BRCC3: variants seen among roughly 807,000 people sequenced by gnomAD.
The protein encoded by BRCC3 is lys-63-specific deubiquitinase BRCC36.
In BRCC3, 15 loss-of-function variants were observed where a neutral mutation model predicts 28.0. That is an observed-to-expected ratio of 0.54 (90% CI 0.36 to 0.82). The LOEUF is 0.82. BRCC3 is among the 40% of genes least tolerant of loss of function. The pLI is 0.01. For synonymous variants in BRCC3, 66 were observed against 80.3 expected, an observed-to-expected ratio of 0.82 and a Z score of 0.95; for missense variants, 109 against 225.9, an observed-to-expected ratio of 0.48 and a Z score of 3.32.
chrX:155,099,421 C>G, intron 7 of BRCC3: 1 of 1,197,186 alleles, frequency 8.4e-7, no homozygotes, highest in Non-Finnish European at 1.1e-6. Flanking sequence ...TGTCCCCCAG[C>G]TCAACTGATT....
At chrX:155,097,393 A>G (rs1313498671) in intron 7 of BRCC3, among the ~76,000 whole-genome samples, 1 of 112,135 alleles carries the variant, frequency 8.9e-6, no homozygotes, top group Non-Finnish European at 1.9e-5. Flanking sequence ...GCCAATAAGT[A>G]CACGTAAAGG....
At chrX:155,091,790 C>A (rs2074177027) in intron 7 of BRCC3, among the ~76,000 whole-genome samples, 1 of 105,544 alleles carries the variant, frequency 9.5e-6, no homozygotes, top group African/African-American at 3.5e-5. Context: ...TAAAATGCAG[C>A]CGTTAAAAAA....
At chrX:155,095,904 A>G (rs1209649632) in intron 7 of BRCC3, among the ~76,000 whole-genome samples, 1 of 111,935 alleles carries the variant, frequency 8.9e-6, no homozygotes, top group Non-Finnish European at 1.9e-5. Flanking sequence ...GGTTTATAGC[A>G]TGGGAGCAAT....
intron 7 of BRCC3, among the ~76,000 whole-genome samples, chrX:155,103,217 C>T (rs1377861194): frequency 8.9e-6 from 1 of 112,159 alleles, no homozygotes; most frequent in Non-Finnish European, 1.9e-5. Context: ...AGTTTATTAT[C>T]TTTTCAAGAA....
At chrX:155,072,706 T>G (rs1557292796) in intron 2 of BRCC3, among the ~76,000 whole-genome samples, 2 of 110,038 alleles carry the variant, frequency 1.8e-5, no homozygotes, top group Non-Finnish European at 3.8e-5. Context: ...AGATTACAGG[T>G]GCCCGCCACC....
At chrX:155,105,567 C>T (rs1455457803) in intron 7 of BRCC3, among the ~76,000 whole-genome samples, 1 of 112,612 alleles carries the variant, frequency 8.9e-6, no homozygotes, top group East Asian at 2.8e-4. Context: ...ACTTGGATCT[C>T]TTTCTTTTTA....
intron 7 of BRCC3, among the ~76,000 whole-genome samples, chrX:155,113,797 A>C (rs1049489854): frequency 2.7e-5 from 3 of 111,922 alleles, no homozygotes; most frequent in African/African-American, 3.2e-5. Flanking sequence ...TCAACAACAA[A>C]AAAATCTGAT....
chrX:155,112,572 A>G (rs1240628892), intron 7 of BRCC3, among the ~76,000 whole-genome samples: 1 of 113,111 alleles, frequency 8.8e-6, no homozygotes, highest in Non-Finnish European at 1.9e-5. Flanking sequence ...AGCATCCAGA[A>G]TAGGTAAAGA....
chrX:155,088,352 CTT>C (rs781981831), intron 5 of BRCC3, among the ~76,000 whole-genome samples: 5 of 90,306 alleles, frequency 5.5e-5, no homozygotes, highest in Non-Finnish European at 6.7e-5. Flanking sequence ...TAGTTTTTGG[CTT>C]TTTTTTTTTT....
intron 7 of BRCC3, among the ~76,000 whole-genome samples, chrX:155,093,782 A>G (rs1357603967): frequency 9.2e-6 from 1 of 108,350 alleles, no homozygotes; most frequent in Non-Finnish European, 1.9e-5. Flanking sequence ...TAGAACTCCT[A>G]TCAGTCACAA....
chrX:155,077,989 C>T, intron 4 of BRCC3, among the ~76,000 whole-genome samples: 1 of 112,183 alleles, frequency 8.9e-6, no homozygotes, highest in South Asian at 3.7e-4. Flanking sequence ...CTCTGGTCCT[C>T]TGCCCTGCAA....
chrX:155,090,870 G>A (rs782116550), intron 7 of BRCC3, 31 bp downstream of exon 7: 3 of 1,025,531 alleles, frequency 2.9e-6, no homozygotes, highest in African/African-American at 1.9e-5. Context: ...TGTGTGTATT[G>A]GAGGGCTAAT....
At chrX:155,117,540 A>G (rs894266593) in intron 9 of BRCC3, among the ~76,000 whole-genome samples, 3 of 111,234 alleles carry the variant, frequency 2.7e-5, no homozygotes, top group African/African-American at 9.8e-5. Context: ...AAAAGGGAGA[A>G]ATGGCTTGGT....
intron 3 of BRCC3, 41 bp downstream of exon 3, chrX:155,073,472 G>A (rs1174246240): frequency 2.6e-6 from 3 of 1,152,004 alleles, no homozygotes; most frequent in Non-Finnish European, 3.5e-6. Flanking sequence ...ACTTGCAGTT[G>A]GGGAAAGATT....
rs377415541 is a variant in BRCC3 at position 155,089,273 on chromosome X, A to G, written c.414A>G (p.Thr138=). The G allele has an allele frequency of 9.1e-5, 107 of 1,174,755 alleles. No homozygotes were observed. The highest frequency in any genetic ancestry group is 1.2e-4 in the Non-Finnish European group (102 of 874,639). The change falls in exon 6 of 11, where the codon ACA becomes ACG. Residue 138 remains threonine (T), a synonymous_variant. Transcript: ENST00000330045. ...TVWPSHVDVR[T]QAMYQMMDQG... The stretch of plus-strand genomic sequence containing the variant: ...TTCATTTATTTTCAGATGTTCGCAC[A>G]CAAGCCATGTACCAGATGATGGATC...
chrX:155,101,743 C>T (rs2074248408), intron 7 of BRCC3, among the ~76,000 whole-genome samples: 1 of 111,760 alleles, frequency 8.9e-6, no homozygotes, highest in Non-Finnish European at 1.9e-5. Context: ...AGGTTTGTCT[C>T]ATTCTTTCCT....
intron 7 of BRCC3, among the ~76,000 whole-genome samples, chrX:155,092,854 C>G (rs1216950868): frequency 1.8e-5 from 2 of 111,026 alleles, no homozygotes; most frequent in African/African-American, 6.6e-5. Context: ...AAAAGACTCT[C>G]TAGTAACTTC....
In BRCC3 at chrX:155,119,992, A is replaced by T; in HGVS notation, c.725-7A>T. 2 of 1,197,217 alleles carry T rather than the reference A, an allele frequency of 1.7e-6. No individual in the cohort carries two copies. The highest frequency in any genetic ancestry group is 2.2e-6 in the Non-Finnish European group (2 of 889,502). On this transcript the variant is annotated splice_polypyrimidine_tract_variant and splice_region_variant and intron_variant, in intron 9 of 10. Coordinates refer to ENST00000330045, the MANE Select transcript of BRCC3 (RefSeq NM_001018055.3). Reference sequence around the variant, plus strand: ...AATTATTCTCATCTTTATTTTTCCTATTGAAGTGTTTACCAAGAATCTGTG... The same window carrying T: ...AATTATTCTCATCTTTATTTTTCCTTTTGAAGTGTTTACCAAGAATCTGTG...
intron 5 of BRCC3, among the ~76,000 whole-genome samples, chrX:155,086,765 G>C (rs2074133189): frequency 1.8e-5 from 2 of 111,887 alleles, no homozygotes; most frequent in African/African-American, 6.5e-5. Context: ...CCAAATAATC[G>C]GCTCTGAAGG....
Sources: gnomAD v4.1 joint callset for allele counts (sites outside exome capture counted in the v4.1 genomes callset) on GRCh38, gnomAD v4.1.1 for gene constraint, MANE v1.5 for transcripts, NCBI Gene and HGNC (gene_info 2026-07-23, HGNC 2026-07-21) for gene names.